Variants in LUZP2 observed in about 807,000 individuals in gnomAD.
The protein encoded by LUZP2 is leucine zipper protein 2.
In LUZP2, 52 loss-of-function variants were observed where a neutral mutation model predicts 51.6. The ratio of observed to expected loss-of-function variants is 1.01; its 90% CI spans 0.81 to 1.27. LUZP2 has a LOEUF of 1.27. LUZP2 is among the 50% of genes most tolerant of loss of function. The probability of loss-of-function intolerance (pLI) is 0.00; values close to 1 mark genes in which losing one functional copy is unlikely to be tolerated. For synonymous variants in LUZP2, 154 were observed against 137.3 expected, an observed-to-expected ratio of 1.12 and a Z score of -0.85; for missense variants, 436 against 395.4, an observed-to-expected ratio of 1.10 and a Z score of -0.87.
In LUZP2 at chr11:24,643,163, C is replaced by G. The variant is rs145432230; in HGVS notation, c.63-86006C>G. 5.6e-4 allele frequency among the ~76,000 whole-genome samples: 83 copies of G among 147,236 alleles called. 2 individuals are homozygous for G. In the South Asian group the frequency reaches 0.01, roughly 19 times the overall value. On this transcript the variant is annotated intron_variant, in intron 1 of 11. Transcript: ENST00000336930. ...GTGGCTCATGCTTGTAATCCCAGCA[C>G]TTTAGGAGGCGGAGGGAGGCAGATC...
intron 1 of LUZP2, among the ~76,000 whole-genome samples, chr11:24,541,454 T>A (rs1036950859): frequency 6.6e-6 from 1 of 152,038 alleles, no homozygotes; most frequent in Admixed American, 6.6e-5. Flanking sequence ...TTTATAAACT[T>A]AATTTAGATC....
intron 1 of LUZP2, among the ~76,000 whole-genome samples, chr11:24,613,590 G>A (rs1188547496): frequency 2.6e-5 from 4 of 151,726 alleles, no homozygotes; most frequent in Non-Finnish European, 5.9e-5. Flanking sequence ...TGTTGAATTG[G>A]AAAAGTATGT....
chr11:24,779,122 A>T (rs1340806208), intron 5 of LUZP2, among the ~76,000 whole-genome samples: 1 of 152,200 alleles, frequency 6.6e-6, no homozygotes, highest in Non-Finnish European at 1.5e-5. Context: ...TATTTAAGAA[A>T]GTTTCATCAT....
intron 10 of LUZP2, among the ~76,000 whole-genome samples, chr11:25,053,107 G>T (rs1182719454): frequency 6.6e-6 from 1 of 152,062 alleles, no homozygotes; most frequent in Non-Finnish European, 1.5e-5. Context: ...GGCAATCACA[G>T]AAACAATTGG....
intron 1 of LUZP2, among the ~76,000 whole-genome samples, chr11:24,547,036 T>C (rs376985395): frequency 6.6e-6 from 1 of 151,836 alleles, no homozygotes; most frequent in Non-Finnish European, 1.5e-5. Context: ...CCAGAACTCA[T>C]CATTGGTCTG....
At chr11:24,921,196 A>AGAAAGAAGC (rs1854041953) in intron 7 of LUZP2, among the ~76,000 whole-genome samples, 2 of 152,108 alleles carry the variant, frequency 1.3e-5, no homozygotes, top group South Asian at 4.1e-4. Context: ...CAGCTCCCCC[A>AGAAAGAAGC]TACAGAGACA....
chr11:24,878,001 T>A (rs1852327372), intron 5 of LUZP2, among the ~76,000 whole-genome samples: 1 of 152,122 alleles, frequency 6.6e-6, no homozygotes, highest in Non-Finnish European at 1.5e-5. Context: ...CGTTATCTCT[T>A]CATCTGTTGA....
rs969105670 is a variant in LUZP2, at chr11:24,639,876, C to A, written c.63-89293C>A. Among the ~76,000 whole-genome samples, 19 of 151,938 alleles carry A rather than the reference C, an allele frequency of 1.3e-4. 1 individual carries two copies. The highest frequency in any genetic ancestry group is 4.4e-4 in the African/African-American group (18 of 41,194). ...CCTCTCTACCTTCCTCTCCTCACTA[C>A]CCTGTGTGTCCTTTCTTTTACACCT... On this transcript the variant is annotated intron_variant, in intron 1 of 11. Coordinates refer to ENST00000336930, the MANE Select transcript of LUZP2 (RefSeq NM_001009909.4).
chr11:25,009,905 T>C (rs959932335), intron 9 of LUZP2, among the ~76,000 whole-genome samples: 1 of 152,182 alleles, frequency 6.6e-6, no homozygotes, highest in African/African-American at 2.4e-5. Context: ...CCCCTTCATC[T>C]TTACTTTCAC....
chr11:24,602,158 GTA>G (rs1491089624), intron 1 of LUZP2, among the ~76,000 whole-genome samples: 5 of 122,990 alleles, frequency 4.1e-5, no homozygotes, highest in African/African-American at 1.0e-4. Flanking sequence ...ATGTATATAT[GTA>G]TATATGTGTA....
At chr11:25,065,123 T>G (rs2134046443) in intron 10 of LUZP2, among the ~76,000 whole-genome samples, 1 of 152,134 alleles carries the variant, frequency 6.6e-6, no homozygotes, top group South Asian at 2.1e-4. Flanking sequence ...AATATGCATC[T>G]TAAACTATGG....
chr11:24,517,393 G>A (rs994595694), intron 1 of LUZP2, among the ~76,000 whole-genome samples: 2 of 143,754 alleles, frequency 1.4e-5, no homozygotes, highest in Admixed American at 7.5e-5. Context: ...GGCTGAGGCA[G>A]GAGAATGGCG....
chr11:24,757,028 T>C (rs1859801573), intron 4 of LUZP2, among the ~76,000 whole-genome samples: 1 of 152,170 alleles, frequency 6.6e-6, no homozygotes, highest in Non-Finnish European at 1.5e-5. Flanking sequence ...ATAAGACAAG[T>C]TATGGGGAAG....
At chr11:24,784,809 T>C (rs1403918367) in intron 5 of LUZP2, among the ~76,000 whole-genome samples, 2 of 152,080 alleles carry the variant, frequency 1.3e-5, no homozygotes, top group African/African-American at 2.4e-5. Flanking sequence ...TAATGTATTA[T>C]TATTGATGGG....
rs138591421 is a variant in LUZP2 at position 24,671,619 on chromosome 11, C to T, written c.63-57550C>T. On this transcript the variant is annotated intron_variant, in intron 1 of 11. Coordinates refer to ENST00000336930, the MANE Select transcript of LUZP2 (RefSeq NM_001009909.4). Reference sequence around the variant, plus strand: ...TCACAAATATTTCAGATATTTGTTACTGCTTACAAGTAGACTCTGATGTTC... The same window carrying T: ...TCACAAATATTTCAGATATTTGTTATTGCTTACAAGTAGACTCTGATGTTC... Among the ~76,000 whole-genome samples the T allele has an allele frequency of 9.8e-3, 1,492 of 151,790 alleles. 23 individuals carry two copies. The highest frequency in any genetic ancestry group is 0.034 in the African/African-American group (1,393 of 41,438).
intron 5 of LUZP2, among the ~76,000 whole-genome samples, chr11:24,795,352 A>G (rs1849518827): frequency 2.0e-5 from 3 of 152,162 alleles, no homozygotes. Flanking sequence ...TATGTTCAGA[A>G]AGTTCACTAA....
At chr11:24,773,559 A>G (rs1848815645) in intron 5 of LUZP2, among the ~76,000 whole-genome samples, 1 of 152,008 alleles carries the variant, frequency 6.6e-6, no homozygotes, top group African/African-American at 2.4e-5. Flanking sequence ...GGCTGTTCAA[A>G]AGAATGAGCC....
intron 1 of LUZP2, among the ~76,000 whole-genome samples, chr11:24,602,259 C>CATATATGTACATACATATATACACACAT (rs1215078568): frequency 1.1e-4 from 8 of 74,100 alleles, no homozygotes; most frequent in African/African-American, 4.5e-4. Flanking sequence ...TATATGCAAA[C>CATATATGTACATACATATATACACACAT]ATATATGTAC....
intron 5 of LUZP2, among the ~76,000 whole-genome samples, chr11:24,782,167 A>G (rs1227029758): frequency 6.6e-6 from 1 of 152,096 alleles, no homozygotes; most frequent in Admixed American, 6.6e-5. Flanking sequence ...AGATTTTATT[A>G]TACAACTGAA....
Sources: gnomAD v4.1 joint callset for allele counts (sites outside exome capture counted in the v4.1 genomes callset) on GRCh38, gnomAD v4.1.1 for gene constraint, MANE v1.5 for transcripts, NCBI Gene and HGNC (gene_info 2026-07-23, HGNC 2026-07-21) for gene names.